The following SMC3 variants were observed in gnomAD, a reference collection of about 807,000 sequenced individuals.
The protein encoded by SMC3 is structural maintenance of chromosomes 3.
A neutral mutation model predicts 171.8 loss-of-function variants in SMC3; 20 were observed. The observed-to-expected ratio is 0.12, with a 90% CI of 0.08 to 0.17. The LOEUF (loss-of-function observed/expected upper bound fraction) is 0.17. Among genes scored for constraint, SMC3 ranks in the 10% least tolerant of loss-of-function variants. The pLI is 1.00. For synonymous variants in SMC3, 464 were observed against 451.1 expected (o/e 1.03, Z -0.36); for missense variants, 543 against 1,420.4 (o/e 0.38, Z 9.93).
At chr10:110,581,153 T>C (rs1861023531) in intron 8 of SMC3, 132 bp downstream of exon 8, 1 of 701,672 alleles carries the variant, frequency 1.4e-6, no homozygotes, top group Non-Finnish European at 2.6e-6. Context: ...TTAATAAAAA[T>C]TGAGAATCCA....
intron 4 of SMC3, among the ~76,000 whole-genome samples, chr10:110,576,236 A>C (rs1324186597): frequency 2.0e-5 from 3 of 152,198 alleles, no homozygotes; most frequent in Non-Finnish European, 2.9e-5. Flanking sequence ...TGGATACTCA[A>C]ATTATGGTTT....
At chr10:110,598,432 T>A in intron 20 of SMC3, 142 bp downstream of exon 20, 23 of 810,142 alleles carry the variant, frequency 2.8e-5, no homozygotes, top group South Asian at 2.5e-4. Flanking sequence ...GAAGACAGAG[T>A]CTCTTTCTGT....
intron 13 of SMC3, among the ~76,000 whole-genome samples, chr10:110,589,274 GC>G (rs1861172219): frequency 6.6e-6 from 1 of 152,040 alleles, no homozygotes; most frequent in South Asian, 2.1e-4. Flanking sequence ...TTTTTCAACA[GC>G]ATCATTGAGG....
chr10:110,590,597 G>A (rs1479971748), intron 16 of SMC3, 25 bp downstream of exon 16: 1 of 1,609,682 alleles, frequency 6.2e-7, no homozygotes, highest in Admixed American at 1.7e-5. Context: ...TTGATATTTA[G>A]CATTTTTAGA....
Position 110,605,464 on chromosome 10 carries a change from A to G in SMC3, c.*1162A>G, listed in dbSNP as rs1861453782. Reference sequence around the variant, plus strand: ...CCCCTGGCCTGAGTTTATACTGGTTATCTGCAGGAGAATTTGTTAGGAGCT... The same window carrying G: ...CCCCTGGCCTGAGTTTATACTGGTTGTCTGCAGGAGAATTTGTTAGGAGCT... On this transcript the variant is annotated 3_prime_UTR_variant, in exon 29 of 29. Transcript: ENST00000361804. 6.6e-6 allele frequency among the ~76,000 whole-genome samples: 1 copy of G among 152,150 alleles called. No homozygotes were observed. The highest frequency in any genetic ancestry group is 6.6e-5 in the Admixed American group (1 of 15,262).
At chr10:110,589,259 T>C (rs1861171982) in intron 13 of SMC3, among the ~76,000 whole-genome samples, 1 of 152,026 alleles carries the variant, frequency 6.6e-6, no homozygotes, top group Non-Finnish European at 1.5e-5. Flanking sequence ...CAAACTGAAA[T>C]TGGATTTTTC....
intron 19 of SMC3, 67 bp downstream of exon 19, chr10:110,596,617 A>G: frequency 1.4e-6 from 2 of 1,457,538 alleles, no homozygotes; most frequent in Non-Finnish European, 1.9e-6. Flanking sequence ...GTTGCCATAT[A>G]TAATCTTTTG....
At chr10:110,577,810 T>G in intron 5 of SMC3, 25 bp from the exon 6 acceptor site, 5 of 1,525,324 alleles carry the variant, frequency 3.3e-6, no homozygotes, top group Non-Finnish European at 4.5e-6. Flanking sequence ...TTAAATTAAC[T>G]GTGGGCTTTT....
At chr10:110,579,546 A>G (rs781063004) in intron 7 of SMC3, among the ~76,000 whole-genome samples, 1 of 151,944 alleles carries the variant, frequency 6.6e-6, no homozygotes, top group African/African-American at 2.4e-5. Context: ...CCTCAACCCT[A>G]TGTGCTTTAT....
chr10:110,579,366 C>T (rs1205968336), intron 7 of SMC3, among the ~76,000 whole-genome samples: 7 of 152,148 alleles, frequency 4.6e-5, no homozygotes, highest in African/African-American at 1.4e-4. Context: ...TGGAAGAACA[C>T]GTTTTTTTCC....
chr10:110,598,197 A>G lies in SMC3; in HGVS notation c.2175A>G (p.Gln725=). The G allele has an allele frequency of 6.2e-7, 1 of 1,614,006 alleles. No individual in the cohort carries two copies. The highest frequency in any genetic ancestry group is 8.5e-7 in the Non-Finnish European group (1 of 1,179,936). ...MNQMQQIETQ[Q]RKFKASRDSI... ...AAATGCAACAGATCGAGACCCAGCA[A>G]AGGAAATTTAAAGCATCTAGAGATA... Residue 725 remains glutamine (Q), a synonymous_variant, in exon 20 of 29, where the codon CAA becomes CAG. Coordinates refer to ENST00000361804, the MANE Select transcript of SMC3 (RefSeq NM_005445.4).
intron 5 of SMC3, 75 bp downstream of exon 5, chr10:110,577,567 T>C: frequency 9.7e-7 from 1 of 1,032,432 alleles, no homozygotes; most frequent in Non-Finnish European, 1.5e-6. Flanking sequence ...TTTGAAACTT[T>C]TTAAGCTTTT....
rs1861368818 is a variant in SMC3, at chr10:110,600,442, AACAG to A, written c.2436_2439del (p.Arg812SerfsTer3). On this transcript the variant is annotated frameshift_variant, in exon 22 of 29. Transcript: ENST00000361804. LOFTEE classifies it high-confidence loss of function. ...GACAACTTTTTCTTAATTCTAGGAA[AACAG>A]ACAGTTGCTAAATGAAAGAATTAAA... 1.3e-6 allele frequency: 2 copies of A among 1,500,696 alleles called. No homozygotes were observed. Among genetic ancestry groups the A allele is most frequent in the Non-Finnish European group, 9.3e-7 (1 of 1,076,812 alleles). The allele number at this position is 1,500,696 out of a possible 1,614,324, so 93.0% of individuals were successfully genotyped here.
intron 20 of SMC3, 87 bp downstream of exon 20, chr10:110,598,377 G>C: frequency 7.4e-7 from 1 of 1,351,460 alleles, no homozygotes; most frequent in South Asian, 1.2e-5. Flanking sequence ...GGTTATCCTT[G>C]AATTTTATGT....
At chr10:110,583,725 G>T in intron 11 of SMC3, 116 bp from the exon 12 acceptor site, 1 of 1,253,170 alleles carries the variant, frequency 8.0e-7, no homozygotes, top group Non-Finnish European at 1.1e-6. Flanking sequence ...CATTAAAAAA[G>T]AGTTTCATGT....
At chr10:110,575,788 G>A (rs1194872084) in intron 4 of SMC3, among the ~76,000 whole-genome samples, 2 of 152,184 alleles carry the variant, frequency 1.3e-5, no homozygotes, top group Non-Finnish European at 2.9e-5. Context: ...TTGCCTATAG[G>A]TGGGTATGTC....
At chr10:110,570,334 A>C (rs1028387186) in intron 2 of SMC3, among the ~76,000 whole-genome samples, 3 of 152,238 alleles carry the variant, frequency 2.0e-5, no homozygotes, top group African/African-American at 7.2e-5. Flanking sequence ...TTAGAGAATC[A>C]TACTTCATTT....
At position 110,592,951 on chromosome 10, in the gene SMC3, A is replaced by T. The variant is rs551990243; in HGVS notation, c.1813-122A>T. On this transcript the variant is annotated intron_variant, in intron 17 of 28. Transcript: ENST00000361804. ...TTCTAACTACTTCAGGGAAAACGCCAATCGTTTTGAAATATAATGGTGTTT... is the reference window on the plus strand; with the variant it reads ...TTCTAACTACTTCAGGGAAAACGCCTATCGTTTTGAAATATAATGGTGTTT... 115 of 860,360 alleles carry T rather than the reference A, an allele frequency of 1.3e-4. No homozygotes were observed. In the African/African-American group the frequency reaches 1.6e-3, roughly 12 times the overall value. The allele number at this position is 860,360 out of a possible 1,614,324, so 53.3% of individuals were successfully genotyped here.
At position 110,583,353 on chromosome 10, in the gene SMC3, G is replaced by A. The variant is rs761494060; in HGVS notation, c.805-31G>A. On this transcript the variant is annotated intron_variant, in intron 10 of 28. Coordinates refer to ENST00000361804, the MANE Select transcript of SMC3 (RefSeq NM_005445.4). ...CAATTCTGCTATTGTACTTCTAATT[G>A]CCTTATTTTCTGTTTAATACTTTTG... The A allele has an allele frequency of 2.5e-6, 4 of 1,575,884 alleles. No homozygotes were observed. The East Asian group carries it at 9.0e-5, about 35-fold the overall frequency.
Sources: allele counts gnomAD v4.1 joint callset (sites outside exome capture counted in the v4.1 genomes callset), GRCh38; gene constraint gnomAD v4.1.1; transcripts MANE v1.5; gene names NCBI Gene and HGNC (gene_info 2026-07-23, HGNC 2026-07-21).